The following LASP1 variants were observed in gnomAD, a reference collection of about 807,000 sequenced individuals.
LASP1 encodes LIM and SH3 domain protein 1.
LASP1 carries 10 observed loss-of-function variants against 38.6 expected under a neutral mutation model. The observed-to-expected ratio is 0.26, with a 90% CI of 0.16 to 0.44. LASP1 has a LOEUF of 0.44. LASP1 is among the 20% of genes least tolerant of loss of function. The probability of loss-of-function intolerance (pLI) is 1.00; values close to 1 mark genes in which losing one functional copy is unlikely to be tolerated. For synonymous variants in LASP1, 132 were observed against 140.8 expected, an observed-to-expected ratio of 0.94 and a Z score of 0.44; for missense variants, 243 against 375.7, an observed-to-expected ratio of 0.65 and a Z score of 2.92.
At position 38,876,176 on chromosome 17, in the gene LASP1, CTTTTTTTTTTTT is replaced by C. The variant is rs899457098; in HGVS notation, c.70-1901_70-1890del. 1.6e-5 allele frequency among the ~76,000 whole-genome samples: 2 copies of C among 127,630 alleles called. 1 individual carries two copies. Among genetic ancestry groups the C allele is most frequent in the South Asian group, 5.3e-4 (2 of 3,764 alleles). 83.7% of individuals were successfully genotyped at this position (127,630 alleles called of 152,430 possible). On this transcript the variant is annotated intron_variant, in intron 1 of 6. Transcript: ENST00000318008. ...ACGTGGAGCCTGTTAGATCGTTTCT[CTTTTTTTTTTTT>C]TTTTTTTTGAGACAGAGTCTTGCTC...
At chr17:38,874,622 C>A (rs1913706711) in intron 1 of LASP1, among the ~76,000 whole-genome samples, 1 of 152,210 alleles carries the variant, frequency 6.6e-6, no homozygotes, top group Non-Finnish European at 1.5e-5. Context: ...CCTTCCAGCA[C>A]TCTGGGAGAC....
Position 38,875,089 on chromosome 17 carries a change from G to GTGTGTGT in LASP1, c.70-2997_70-2996insTGTGTGT, listed in dbSNP as rs1555553217. On this transcript the variant is annotated intron_variant, in intron 1 of 6. Coordinates refer to ENST00000318008, the MANE Select transcript of LASP1 (RefSeq NM_006148.4). Reference sequence around the variant, plus strand: ...TGTGTGTGTGTGTGTGTGTGTGTGTGAGAAAGTGGGTCATGGTCTGGATTC... The same window carrying GTGTGTGT: ...TGTGTGTGTGTGTGTGTGTGTGTGTGTGTGTGTAGAAAGTGGGTCATGGTCTGGATTC... Among the ~76,000 whole-genome samples, 562 of 111,520 alleles carry GTGTGTGT rather than the reference G, an allele frequency of 5.0e-3. 4 individuals carry two copies. The highest frequency in any genetic ancestry group is 0.018 in the African/African-American group (549 of 31,024). 73.2% of individuals were successfully genotyped at this position (111,520 alleles called of 152,430 possible).
intron 1 of LASP1, among the ~76,000 whole-genome samples, chr17:38,873,012 C>T (rs1913655121): frequency 6.6e-6 from 1 of 152,198 alleles, no homozygotes; most frequent in Admixed American, 6.5e-5. Context: ...AGGGTGACCT[C>T]ATTTGCTCAT....
intron 2 of LASP1, among the ~76,000 whole-genome samples, chr17:38,887,759 C>G (rs1302415485): frequency 6.6e-6 from 1 of 152,192 alleles, no homozygotes; most frequent in Non-Finnish European, 1.5e-5. Flanking sequence ...GCACTGGGCC[C>G]TGTCAAGTTA....
rs1427664239 is a variant in LASP1, at chr17:38,878,016, T to C, written c.70-70T>C. On this transcript the variant is annotated intron_variant, in intron 1 of 6. Coordinates refer to ENST00000318008, the MANE Select transcript of LASP1 (RefSeq NM_006148.4). The stretch of plus-strand genomic sequence containing the variant: ...AGTCCCAGCAGCTCCTGAGTGCCCC[T>C]TCCTAGGGCCTGAGCCCCTTTTTCA... 4.2e-6 allele frequency: 5 copies of C among 1,198,022 alleles called. No individual in the cohort carries two copies. The African/African-American group carries it at 7.5e-5, about 18-fold the overall frequency. 74.2% of individuals were successfully genotyped at this position (1,198,022 alleles called of 1,614,324 possible).
At chr17:38,887,813 A>T (rs1914186945) in intron 2 of LASP1, among the ~76,000 whole-genome samples, 1 of 152,236 alleles carries the variant, frequency 6.6e-6, no homozygotes, top group East Asian at 1.9e-4. Flanking sequence ...CCTGCCCTTC[A>T]CAAGTGGTGG....
At chr17:38,875,100 TCATG>T (rs1267710635) in intron 1 of LASP1, among the ~76,000 whole-genome samples, 3 of 149,818 alleles carry the variant, frequency 2.0e-5, no homozygotes, top group East Asian at 2.0e-4. Context: ...AGAAAGTGGG[TCATG>T]GTCTGGATTC....
At chr17:38,905,406 G>A (rs1408159054) in intron 4 of LASP1, among the ~76,000 whole-genome samples, 1 of 151,726 alleles carries the variant, frequency 6.6e-6, no homozygotes. Flanking sequence ...CGCACTCGGT[G>A]GCGCAATCCC....
intron 1 of LASP1, 130 bp from the exon 2 acceptor site, chr17:38,877,956 A>T (rs1259453589): frequency 4.5e-6 from 3 of 663,342 alleles, no homozygotes; most frequent in African/African-American, 1.8e-5. Context: ...ACCTGGGATG[A>T]TTCCATGTTC....
At chr17:38,906,398 G>A (rs1914777081) in intron 4 of LASP1, among the ~76,000 whole-genome samples, 1 of 152,088 alleles carries the variant, frequency 6.6e-6, no homozygotes, top group South Asian at 2.1e-4. Flanking sequence ...GCATGGTGGT[G>A]CACCCCTGTA....
rs1451017384 is a variant in LASP1, at chr17:38,918,269, G to A, written c.613-336G>A. On this transcript the variant is annotated intron_variant, in intron 6 of 6. Coordinates refer to ENST00000318008, the MANE Select transcript of LASP1 (RefSeq NM_006148.4). The surrounding 1 kb of genome is among the most constrained non-coding windows in gnomAD (Gnocchi z 4.4). The stretch of plus-strand genomic sequence containing the variant: ...GCTGGGATTACAGGCGTGAGCCACT[G>A]CACCTGGCCTGCATGTCGTATTTTT... 6.6e-6 allele frequency among the ~76,000 whole-genome samples: 1 copy of A among 152,150 alleles called. No individual in the cohort carries two copies. Among genetic ancestry groups the A allele is most frequent in the East Asian group, 1.9e-4 (1 of 5,194 alleles).
chr17:38,879,729 C>T (rs750081574), intron 2 of LASP1, among the ~76,000 whole-genome samples: 1 of 152,074 alleles, frequency 6.6e-6, no homozygotes, highest in Non-Finnish European at 1.5e-5. Context: ...CTCCCGTTCC[C>T]TGGCTAAGAC....
Position 38,900,403 on chromosome 17 carries a change from G to A in LASP1, c.357+1884G>A, listed in dbSNP as rs566000928. On this transcript the variant is annotated intron_variant, in intron 4 of 6. Transcript: ENST00000318008. ...TCCAAAAAAAAAAAGGACCAGGCGCGGTGGCTCATGCCTGTAATCCCAGCA... is the reference window on the plus strand; with the variant it reads ...TCCAAAAAAAAAAAGGACCAGGCGCAGTGGCTCATGCCTGTAATCCCAGCA... Among the ~76,000 whole-genome samples, 636 of 137,002 alleles carry A rather than the reference G, an allele frequency of 4.6e-3. 8 individuals carry two copies. Among genetic ancestry groups the A allele is most frequent in the African/African-American group, 0.017 (608 of 36,616 alleles). 89.9% of individuals were successfully genotyped at this position (137,002 alleles called of 152,430 possible). A position where few individuals can be genotyped will look rare whatever the true frequency, so the allele number is the denominator to read the frequency against.
intron 2 of LASP1, among the ~76,000 whole-genome samples, chr17:38,886,871 G>A (rs941381090): frequency 6.6e-6 from 1 of 152,260 alleles, no homozygotes; most frequent in South Asian, 2.1e-4. Context: ...CCTGTCTGGC[G>A]GTCTTTGGGC....
chr17:38,884,745 C>CAG (rs1914064041), intron 2 of LASP1, among the ~76,000 whole-genome samples: 1 of 135,374 alleles, frequency 7.4e-6, no homozygotes, highest in African/African-American at 2.9e-5. Context: ...GGTGGAAGTG[C>CAG]AGAGGTGTGA....
At chr17:38,897,120 C>T (rs1264029681) in intron 3 of LASP1, 1 of 962,992 alleles carries the variant, frequency 1.0e-6, no homozygotes, top group Non-Finnish European at 1.2e-6. Context: ...CCACTGCATT[C>T]ACTTCTGAAC....
rs1002551655 is a variant in LASP1, at chr17:38,918,720, C to T, written c.728C>T (p.Thr243Met). The change falls in exon 7 of 7, where the codon ACG (threonine) becomes ATG (methionine). Residue 243 changes from threonine to methionine, a missense_variant. This residue lies in a region of LASP1 where 165 missense variants were observed against 210.3 expected (regional missense o/e 0.78). Transcript: ENST00000318008. The surrounding 1 kb of genome is among the most constrained non-coding windows in gnomAD (Gnocchi z 4.4). The stretch of plus-strand genomic sequence containing the variant: ...ATCGACGACGGCTGGATGTACGGGA[C>T]GGTGGAGCGCACCGGCGACACGGGG... ...QQIDDGWMYGTVERTGDTGML... is the reference protein window; with the variant it reads ...QQIDDGWMYGMVERTGDTGML... The T allele has an allele frequency of 1.1e-5, 18 of 1,614,038 alleles. No homozygotes were observed. Among genetic ancestry groups the T allele is most frequent in the East Asian group, 2.2e-5 (1 of 44,898 alleles).
At chr17:38,890,888 C>T (rs948482489) in intron 3 of LASP1, among the ~76,000 whole-genome samples, 2 of 152,158 alleles carry the variant, frequency 1.3e-5, no homozygotes, top group African/African-American at 4.8e-5. Context: ...GCTGGGCAAC[C>T]AACCCTCTAT....
intron 1 of LASP1, 117 bp from the exon 2 acceptor site, chr17:38,877,969 C>G: frequency 1.4e-6 from 1 of 719,644 alleles, no homozygotes; most frequent in Non-Finnish European, 2.4e-6. Flanking sequence ...CCATGTTCTC[C>G]CCACAGCCAT....
Sources: gnomAD v4.1 joint callset for allele counts (sites outside exome capture counted in the v4.1 genomes callset) on GRCh38, gnomAD v4.1.1 for gene constraint, gnomAD v4.1.1 regional missense constraint, Gnocchi (gnomAD v3.1) non-coding constraint, MANE v1.5 for transcripts, NCBI Gene and HGNC (gene_info 2026-07-23, HGNC 2026-07-21) for gene names.